Variants in TMTC2 observed in about 807,000 individuals in gnomAD.
TMTC2 encodes protein O-mannosyl-transferase TMTC2.
TMTC2 carries 43 observed loss-of-function variants against 82.4 expected under a neutral mutation model. The ratio of observed to expected loss-of-function variants is 0.52; its 90% CI spans 0.41 to 0.67. TMTC2 has a LOEUF of 0.67. Among genes scored for constraint, TMTC2 ranks in the 30% least tolerant of loss-of-function variants. The probability of loss-of-function intolerance (pLI) is 0.00; values close to 1 mark genes in which losing one functional copy is unlikely to be tolerated. For missense variants in TMTC2, 919 were observed against 1,012.4 expected (o/e 0.91, Z 1.25); for synonymous variants, 408 against 381.9 (o/e 1.07, Z -0.80).
intron 3 of TMTC2, among the ~76,000 whole-genome samples, chr12:82,914,507 T>A (rs1270467189): frequency 6.6e-6 from 1 of 152,174 alleles, no homozygotes; most frequent in Non-Finnish European, 1.5e-5. Context: ...TAAGATGCAA[T>A]CTTTAGGATT....
chr12:83,028,744 C>T (rs1320071025), intron 8 of TMTC2, among the ~76,000 whole-genome samples: 3 of 152,110 alleles, frequency 2.0e-5, no homozygotes, highest in Non-Finnish European at 4.4e-5. Context: ...CTAATTCATA[C>T]ATTAGGCTGC....
chr12:82,946,349 A>T (rs1876991990), intron 4 of TMTC2, among the ~76,000 whole-genome samples: 1 of 152,222 alleles, frequency 6.6e-6, no homozygotes, highest in South Asian at 2.1e-4. Flanking sequence ...ATTTAGGTAC[A>T]TATGTTTTCC....
At chr12:83,065,888 C>A (rs2137479845) in intron 11 of TMTC2, among the ~76,000 whole-genome samples, 1 of 152,078 alleles carries the variant, frequency 6.6e-6, no homozygotes, top group East Asian at 1.9e-4. Context: ...CCTGCTTTTA[C>A]TTGGCTTTTA....
At chr12:82,940,979 G>A (rs750797906) in intron 4 of TMTC2, among the ~76,000 whole-genome samples, 1 of 151,878 alleles carries the variant, frequency 6.6e-6, no homozygotes, top group Non-Finnish European at 1.5e-5. Context: ...AGTATTTATG[G>A]TATTTGTGAT....
chr12:82,889,040 A>G (rs577266742), intron 2 of TMTC2, among the ~76,000 whole-genome samples: 10 of 152,240 alleles, frequency 6.6e-5, no homozygotes, highest in African/African-American at 2.4e-4. Flanking sequence ...GAACTTTGGG[A>G]GGCTGAGGCG....
chr12:83,007,853 T>C (rs1880275677), intron 8 of TMTC2, among the ~76,000 whole-genome samples: 1 of 152,208 alleles, frequency 6.6e-6, no homozygotes, highest in Admixed American at 6.5e-5. Context: ...CTAGAAAGTT[T>C]ATAGTTCTGC....
At chr12:82,970,730 T>C (rs1683203571) in intron 7 of TMTC2, among the ~76,000 whole-genome samples, 1 of 152,242 alleles carries the variant, frequency 6.6e-6, no homozygotes. Context: ...AAGATTTTTG[T>C]CATCATTATG....
chr12:82,899,404 G>T (rs1266518391), intron 3 of TMTC2, among the ~76,000 whole-genome samples: 1 of 151,480 alleles, frequency 6.6e-6, no homozygotes, highest in Non-Finnish European at 1.5e-5. Flanking sequence ...CATTCCATCA[G>T]CAGATCCTCT....
chr12:82,760,474 T>TG (rs1253879718), intron 1 of TMTC2: 1 of 149,084 alleles, frequency 6.7e-6, no homozygotes, highest in Non-Finnish European at 1.5e-5. Context: ...GGGTTTTTTT[T>TG]TTTTTTTTTT....
chr12:82,921,461 G>T (rs866167084), intron 3 of TMTC2, among the ~76,000 whole-genome samples: 2 of 152,054 alleles, frequency 1.3e-5, no homozygotes, highest in East Asian at 1.9e-4. Flanking sequence ...TATTATTGTT[G>T]TTATTTTTAT....
At chr12:82,805,599 C>T (rs1043384204) in intron 1 of TMTC2, among the ~76,000 whole-genome samples, 9 of 149,466 alleles carry the variant, frequency 6.0e-5, no homozygotes, top group Admixed American at 4.0e-4. Context: ...GCTCCGTCTC[C>T]GGGGTTCACG....
chr12:82,964,122 A>G (rs1878079297), intron 4 of TMTC2, among the ~76,000 whole-genome samples: 2 of 151,808 alleles, frequency 1.3e-5, no homozygotes, highest in African/African-American at 4.8e-5. Context: ...TTGAGATGAT[A>G]ACAGCAGTAT....
chr12:83,008,851 T>A (rs1880324369), intron 8 of TMTC2, among the ~76,000 whole-genome samples: 1 of 152,222 alleles, frequency 6.6e-6, no homozygotes, highest in South Asian at 2.1e-4. Context: ...TCTTCCGTTC[T>A]GATTGTCTCC....
At chr12:82,864,796 C>T (rs940107201) in intron 2 of TMTC2, among the ~76,000 whole-genome samples, 8 of 151,498 alleles carry the variant, frequency 5.3e-5, no homozygotes, top group Non-Finnish European at 7.4e-5. Flanking sequence ...CCACCGCGCC[C>T]GGCCTACATT....
chr12:82,926,945 C>T (rs34376734), intron 3 of TMTC2, among the ~76,000 whole-genome samples: 17,458 of 152,190 alleles, frequency 0.11, 1,087 homozygotes, highest in East Asian at 0.2. Context: ...CAGTGCACCT[C>T]GTCACCGAAG....
At chr12:82,853,670 T>G (rs979941317) in intron 1 of TMTC2, among the ~76,000 whole-genome samples, 4 of 152,198 alleles carry the variant, frequency 2.6e-5, no homozygotes, top group African/African-American at 9.7e-5. Context: ...TTCTTCATTC[T>G]TTGGGATCTG....
At chr12:83,100,785 T>G (rs555137791) in intron 11 of TMTC2, among the ~76,000 whole-genome samples, 27 of 152,298 alleles carry the variant, frequency 1.8e-4, no homozygotes, top group African/African-American at 6.0e-4. Flanking sequence ...CATTAACAAA[T>G]ACTAAAAAAA....
intron 1 of TMTC2, among the ~76,000 whole-genome samples, chr12:82,841,966 T>A (rs1870362114): frequency 6.6e-6 from 1 of 152,208 alleles, no homozygotes; most frequent in Non-Finnish European, 1.5e-5. Context: ...TATAGCTTTA[T>A]TGAGTCTTGA....
chr12:83,012,912 A>T (rs1880523282), intron 8 of TMTC2, among the ~76,000 whole-genome samples: 1 of 152,182 alleles, frequency 6.6e-6, no homozygotes, highest in African/African-American at 2.4e-5. Flanking sequence ...TATAATATTT[A>T]TGTATTTCAG....
Sources: gnomAD v4.1 joint callset for allele counts (sites outside exome capture counted in the v4.1 genomes callset) on GRCh38, gnomAD v4.1.1 for gene constraint, MANE v1.5 for transcripts, NCBI Gene and HGNC (gene_info 2026-07-23, HGNC 2026-07-21) for gene names.